AOAH: variants seen among roughly 807,000 people sequenced by gnomAD.
AOAH encodes acyloxyacyl hydrolase.
In AOAH, 64 loss-of-function variants were observed where a neutral mutation model predicts 92.2. The ratio of observed to expected loss-of-function variants is 0.69; its 90% CI spans 0.57 to 0.86. The LOEUF is 0.86. Among genes scored for constraint, AOAH ranks in the 40% least tolerant of loss-of-function variants. The pLI, the probability that AOAH is intolerant of heterozygous loss-of-function variation, is 0.00. For missense variants in AOAH, 656 were observed against 694.6 expected (o/e 0.94, Z 0.62); for synonymous variants, 263 against 254.5 (o/e 1.03, Z -0.32).
intron 1 of AOAH, among the ~76,000 whole-genome samples, chr7:36,712,387 G>A (rs1798826607): frequency 1.3e-5 from 2 of 152,106 alleles, no homozygotes; most frequent in Admixed American, 6.6e-5. Context: ...AGCTTCCTGA[G>A]TACCAAATAG....
intron 2 of AOAH, among the ~76,000 whole-genome samples, chr7:36,679,765 C>A (rs1796525911): frequency 6.6e-6 from 1 of 152,126 alleles, no homozygotes; most frequent in Admixed American, 6.5e-5. Context: ...TCAAGCAATT[C>A]TTCTGCGTCA....
intron 11 of AOAH, among the ~76,000 whole-genome samples, chr7:36,610,291 G>A (rs543917180): frequency 2.3e-4 from 35 of 151,680 alleles, no homozygotes; most frequent in Middle Eastern, 3.4e-3. Context: ...AAACAAAGTC[G>A]TAATGAGGAA....
intron 13 of AOAH, among the ~76,000 whole-genome samples, chr7:36,552,014 G>T (rs1056948315): frequency 5.9e-5 from 9 of 152,070 alleles, no homozygotes; most frequent in Non-Finnish European, 1.0e-4. Context: ...CATCACCCAG[G>T]TACTGAGCAT....
chr7:36,687,520 G>T (rs985123726), intron 1 of AOAH, among the ~76,000 whole-genome samples: 2 of 150,480 alleles, frequency 1.3e-5, no homozygotes, highest in Non-Finnish European at 2.9e-5. Context: ...TCACTGAGCA[G>T]CAGGGGAAAA....
At chr7:36,584,143 T>G (rs1463833490) in intron 12 of AOAH, among the ~76,000 whole-genome samples, 1 of 152,246 alleles carries the variant, frequency 6.6e-6, no homozygotes. Context: ...CTTTTTCGCA[T>G]AGTGAAGGCT....
intron 15 of AOAH, among the ~76,000 whole-genome samples, chr7:36,547,491 C>T (rs1049239692): frequency 2.0e-5 from 3 of 152,168 alleles, no homozygotes; most frequent in South Asian, 2.1e-4. Context: ...AGCAAACAGG[C>T]GGAGTGAGCA....
In AOAH at chr7:36,576,588, TTC is replaced by T; in HGVS notation, c.1005_1006del (p.Asn336TyrfsTer20). 1 of 1,572,676 alleles carries T rather than the reference TTC, an allele frequency of 6.4e-7. No individual in the cohort carries two copies. The highest frequency in any genetic ancestry group is 8.7e-7 in the Non-Finnish European group (1 of 1,154,480). ...AAGTTACGTACCATTTCTTGAAATATTCTGGTAGTCCCTGTGATTACAGTGGT... is the reference window on the plus strand; with the variant it reads ...AAGTTACGTACCATTTCTTGAAATATTGGTAGTCCCTGTGATTACAGTGGT... On this transcript the variant is annotated frameshift_variant, in exon 13 of 21. Coordinates refer to ENST00000617537, the MANE Select transcript of AOAH (RefSeq NM_001637.4). LOFTEE classifies it high-confidence loss of function.
chr7:36,666,380 T>C (rs1483208944), intron 3 of AOAH, among the ~76,000 whole-genome samples: 1 of 152,090 alleles, frequency 6.6e-6, no homozygotes, highest in Admixed American at 6.6e-5. Flanking sequence ...ATCTGTGGGA[T>C]TTGTAGTGAT....
chr7:36,556,115 A>G (rs1786686770), intron 13 of AOAH, among the ~76,000 whole-genome samples: 1 of 151,680 alleles, frequency 6.6e-6, no homozygotes, highest in Non-Finnish European at 1.5e-5. Flanking sequence ...TCTCTTGTGG[A>G]CATTTAGTGC....
In AOAH at chr7:36,513,232, G is replaced by T; in HGVS notation, c.*20C>A. ...CCTCTGCCTCCCTGTGCTCCCCAGGGGTGCATGCTCCTGAGAGGCTCAGTG... is the reference window on the plus strand; with the variant it reads ...CCTCTGCCTCCCTGTGCTCCCCAGGTGTGCATGCTCCTGAGAGGCTCAGTG... On this transcript the variant is annotated 3_prime_UTR_variant, in exon 21 of 21. Transcript: ENST00000617537. 6.2e-7 allele frequency: 1 copy of T among 1,614,098 alleles called. No individual in the cohort carries two copies. The highest frequency in any genetic ancestry group is 1.3e-5 in the African/African-American group (1 of 75,020).
intron 11 of AOAH, among the ~76,000 whole-genome samples, chr7:36,613,655 T>G (rs1172443029): frequency 6.6e-6 from 1 of 152,196 alleles, no homozygotes; most frequent in Non-Finnish European, 1.5e-5. Context: ...CACTTTGCTC[T>G]CCTGTTTTCT....
At chr7:36,648,998 T>C (rs1389668393) in intron 4 of AOAH, among the ~76,000 whole-genome samples, 2 of 152,220 alleles carry the variant, frequency 1.3e-5, no homozygotes, top group Admixed American at 6.5e-5. Context: ...GTTAAGATAA[T>C]GGAATAACTT....
rs375125124 is a variant in AOAH at position 36,583,440 on chromosome 7, T to C, written c.939-6784A>G. Among the ~76,000 whole-genome samples the C allele has an allele frequency of 3.9e-4, 59 of 152,280 alleles. No homozygotes were observed. The South Asian group carries it at 0.012, about 32-fold the overall frequency. On this transcript the variant is annotated intron_variant, in intron 12 of 20. Transcript: ENST00000617537. ...ACCTTTTAAGATTCCTTTCAGTCCT[T>C]TGATATTAGCCACATCCCAGAGTTC...
intron 4 of AOAH, among the ~76,000 whole-genome samples, chr7:36,654,351 T>C (rs1212277063): frequency 6.6e-6 from 1 of 152,180 alleles, no homozygotes; most frequent in African/African-American, 2.4e-5. Context: ...TGGGACATCG[T>C]AGATTTTTCT....
At chr7:36,585,259 C>T (rs927669670) in intron 12 of AOAH, among the ~76,000 whole-genome samples, 1 of 151,872 alleles carries the variant, frequency 6.6e-6, no homozygotes, top group Non-Finnish European at 1.5e-5. Flanking sequence ...CGGGCGATGC[C>T]TGTGAAAAGA....
intron 8 of AOAH, among the ~76,000 whole-genome samples, chr7:36,621,098 G>A (rs1792247584): frequency 6.6e-6 from 1 of 152,148 alleles, no homozygotes; most frequent in South Asian, 2.1e-4. Context: ...CTATATTCAT[G>A]GACCGCATTG....
intron 12 of AOAH, among the ~76,000 whole-genome samples, chr7:36,593,703 C>T (rs1489430018): frequency 6.6e-6 from 1 of 152,188 alleles, no homozygotes; most frequent in Non-Finnish European, 1.5e-5. Flanking sequence ...CAAGTACTAA[C>T]CAGGCCCTGC....
At chr7:36,565,369 C>T (rs920033742) in intron 13 of AOAH, among the ~76,000 whole-genome samples, 3 of 152,184 alleles carry the variant, frequency 2.0e-5, no homozygotes, top group Non-Finnish European at 4.4e-5. Flanking sequence ...TGAGTGCCTG[C>T]TTGAGCTTGA....
At chr7:36,636,850 C>A (rs1216594773) in intron 5 of AOAH, among the ~76,000 whole-genome samples, 1 of 152,142 alleles carries the variant, frequency 6.6e-6, no homozygotes, top group Non-Finnish European at 1.5e-5. Flanking sequence ...ATCTGGCAAG[C>A]CTAGCCATGA....
Sources: gnomAD v4.1 joint callset for allele counts (sites outside exome capture counted in the v4.1 genomes callset) on GRCh38, gnomAD v4.1.1 for gene constraint, MANE v1.5 for transcripts, NCBI Gene and HGNC (gene_info 2026-07-23, HGNC 2026-07-21) for gene names.